Variants in GARRE1 observed in about 807,000 individuals in gnomAD.
The protein encoded by GARRE1 is granule associated Rac and RHOG effector 1.
A neutral mutation model predicts 103.2 loss-of-function variants in GARRE1; 49 were observed. That is an observed-to-expected ratio of 0.47 (90% confidence interval 0.38 to 0.60). The LOEUF is 0.60. Ranked by LOEUF, GARRE1 falls within the 20% of genes least tolerant of loss-of-function variation. The pLI is 0.00. For synonymous variants in GARRE1, 505 were observed against 532.8 expected (o/e 0.95, Z 0.72); for missense variants, 1,199 against 1,370.5 (o/e 0.87, Z 1.98).
At chr19:34,258,424 A>G (rs966857815) in intron 1 of GARRE1, among the ~76,000 whole-genome samples, 13 of 152,036 alleles carry the variant, frequency 8.6e-5, no homozygotes, top group African/African-American at 2.2e-4. Context: ...CTGCAGGTCA[A>G]TTCTTTTTCT....
chr19:34,328,200 G>C (rs754581743), intron 6 of GARRE1, 49 bp downstream of exon 6: 1 of 1,584,750 alleles, frequency 6.3e-7, no homozygotes, highest in South Asian at 1.1e-5. Context: ...TGAAAATAGA[G>C]TTCTTAAGAG....
At chr19:34,263,783 G>A (rs1440167909) in intron 1 of GARRE1, among the ~76,000 whole-genome samples, 3 of 152,056 alleles carry the variant, frequency 2.0e-5, no homozygotes, top group African/African-American at 7.2e-5. Context: ...CACCGCACCC[G>A]GTCTATGTTT....
intron 1 of GARRE1, among the ~76,000 whole-genome samples, chr19:34,291,599 G>A (rs910426537): frequency 6.6e-6 from 1 of 152,150 alleles, no homozygotes; most frequent in African/African-American, 2.4e-5. Context: ...TTGAACTTCT[G>A]TAACAGATTC....
At chr19:34,292,524 A>G (rs1424855776) in intron 1 of GARRE1, among the ~76,000 whole-genome samples, 6 of 152,180 alleles carry the variant, frequency 3.9e-5, no homozygotes, top group Non-Finnish European at 4.4e-5. Context: ...TGGTAACACT[A>G]TATTTAGCAT....
intron 3 of GARRE1, among the ~76,000 whole-genome samples, chr19:34,322,296 C>G (rs994269337): frequency 6.6e-6 from 1 of 150,502 alleles, no homozygotes; most frequent in South Asian, 2.1e-4. Context: ...CTCAGCCTCC[C>G]GAGTAGCTGG....
intron 2 of GARRE1, among the ~76,000 whole-genome samples, chr19:34,309,516 A>G (rs905680169): frequency 6.6e-6 from 1 of 152,286 alleles, no homozygotes; most frequent in Non-Finnish European, 1.5e-5. Flanking sequence ...TTTTTTGTAG[A>G]GACAGGATCT....
intron 7 of GARRE1, among the ~76,000 whole-genome samples, chr19:34,330,804 C>T (rs1031445748): frequency 2.7e-5 from 4 of 145,780 alleles, no homozygotes; most frequent in African/African-American, 7.7e-5. Context: ...AGTGCAGTGG[C>T]GCAATCTCAA....
chr19:34,262,620 A>T (rs1394298128), intron 1 of GARRE1, among the ~76,000 whole-genome samples: 1 of 152,182 alleles, frequency 6.6e-6, no homozygotes, highest in East Asian at 1.9e-4. Context: ...CAGCCTGCAC[A>T]TGGCTGCCAA....
intron 8 of GARRE1, among the ~76,000 whole-genome samples, chr19:34,335,766 T>G (rs990945043): frequency 6.6e-6 from 1 of 152,226 alleles, no homozygotes; most frequent in Admixed American, 6.5e-5. Context: ...CCTCAGGTGA[T>G]CCACCTGCTT....
At chr19:34,267,653 G>T (rs2073760559) in intron 1 of GARRE1, among the ~76,000 whole-genome samples, 2 of 151,410 alleles carry the variant, frequency 1.3e-5, no homozygotes, top group African/African-American at 2.4e-5. Flanking sequence ...TGGATACCTG[G>T]GCTTTTGCAC....
intron 1 of GARRE1, among the ~76,000 whole-genome samples, chr19:34,262,511 G>A (rs556609169): frequency 1.3e-5 from 2 of 151,614 alleles, no homozygotes; most frequent in African/African-American, 4.8e-5. Context: ...GGCTAGGCTG[G>A]TCTGGAACTC....
chr19:34,349,211 G>A (rs554446226), intron 12 of GARRE1, 58 bp downstream of exon 12: 3 of 1,572,772 alleles, frequency 1.9e-6, no homozygotes, highest in Admixed American at 3.4e-5. Context: ...TGCAACCCAT[G>A]GCTCACTCCC....
intron 2 of GARRE1, among the ~76,000 whole-genome samples, chr19:34,302,159 T>G (rs1242672257): frequency 6.6e-6 from 1 of 150,770 alleles, no homozygotes; most frequent in African/African-American, 2.4e-5. Flanking sequence ...CCCGGCTAAT[T>G]TTGTATTTTT....
chr19:34,297,587 C>T (rs1323916770), intron 1 of GARRE1, among the ~76,000 whole-genome samples: 1 of 152,186 alleles, frequency 6.6e-6, no homozygotes, highest in Non-Finnish European at 1.5e-5. Flanking sequence ...GCATAAGACA[C>T]TCACTGTGGC....
Position 34,354,014 on chromosome 19 carries a change from A to T in GARRE1, c.*1059A>T, listed in dbSNP as rs1391143952. The T allele has an allele frequency of 6.6e-6, 1 of 152,664 alleles. No homozygotes were observed. The highest frequency in any genetic ancestry group is 2.4e-5 in the African/African-American group (1 of 41,456). 9.5% of individuals were successfully genotyped at this position (152,664 alleles called of 1,614,324 possible). A position where few individuals can be genotyped will look rare whatever the true frequency, so the allele number is the denominator to read the frequency against. ...TAGGGATATTTTCCAGCCAGAATGG[A>T]TCCAGAAGAATTGAATGGTGCTTAA... On this transcript the variant is annotated 3_prime_UTR_variant, in exon 14 of 14. Coordinates refer to ENST00000299505, the MANE Select transcript of GARRE1 (RefSeq NM_014686.5).
Position 34,352,696 on chromosome 19 carries a change from C to T in GARRE1, c.2954C>T (p.Ser985Phe), listed in dbSNP as rs761552200. The change falls in exon 14 of 14, where the codon TCC becomes TTC. Residue 985 changes from serine (S) to phenylalanine (F), a missense_variant. By Grantham distance (155) the Ser-to-Phe change is radical. Transcript: ENST00000299505. ...WPPKAPWQHP[S>F]PLPSTLPSPS... The stretch of plus-strand genomic sequence containing the variant: ...CCCAAAGCACCCTGGCAGCACCCTT[C>T]CCCGCTTCCCAGCACGCTGCCCAGC... The T allele has an allele frequency of 3.7e-6, 6 of 1,613,658 alleles. No homozygotes were observed. The highest frequency in any genetic ancestry group is 2.7e-5 in the African/African-American group (2 of 74,896).
chr19:34,274,056 C>A (rs994055075), intron 1 of GARRE1, among the ~76,000 whole-genome samples: 9 of 152,088 alleles, frequency 5.9e-5, no homozygotes, highest in African/African-American at 2.2e-4. Flanking sequence ...GAGGTAAAAA[C>A]AGTAGCTTTG....
intron 2 of GARRE1, among the ~76,000 whole-genome samples, chr19:34,307,715 A>AC (rs2074015533): frequency 7.2e-6 from 1 of 138,782 alleles, no homozygotes; most frequent in Non-Finnish European, 1.6e-5. Context: ...ACTTATATAT[A>AC]TACTATATAT....
intron 1 of GARRE1, among the ~76,000 whole-genome samples, chr19:34,282,064 C>T (rs2073857603): frequency 6.6e-6 from 1 of 152,042 alleles, no homozygotes; most frequent in South Asian, 2.1e-4. Context: ...CATTTTATTT[C>T]TTCTCGTTTT....
Sources: allele counts gnomAD v4.1 joint callset (sites outside exome capture counted in the v4.1 genomes callset), GRCh38; gene constraint gnomAD v4.1.1; transcripts MANE v1.5; gene names NCBI Gene and HGNC (gene_info 2026-07-23, HGNC 2026-07-21).